Variants in NTM observed in about 807,000 individuals in gnomAD.
NTM encodes neurotrimin.
NTM carries 13 observed loss-of-function variants against 42.1 expected under a neutral mutation model. That is an observed-to-expected ratio of 0.31 (90% CI 0.20 to 0.49). The LOEUF (loss-of-function observed/expected upper bound fraction) is 0.49, where lower values mean the gene tolerates loss of function less well. Ranked by LOEUF, NTM falls within the 20% of genes least tolerant of loss-of-function variation. The probability of loss-of-function intolerance (pLI) is 0.99; values close to 1 mark genes in which losing one functional copy is unlikely to be tolerated. For missense variants in NTM, 373 were observed against 452.8 expected, an observed-to-expected ratio of 0.82 and a Z score of 1.60; for synonymous variants, 187 against 179.2, an observed-to-expected ratio of 1.04 and a Z score of -0.35.
chr11:131,760,634 A>G (rs1009630653), intron 1 of NTM, among the ~76,000 whole-genome samples: 8 of 152,116 alleles, frequency 5.3e-5, no homozygotes, highest in Non-Finnish European at 1.0e-4. Flanking sequence ...AGCGGCTAAT[A>G]GAGATAACCC....
intron 2 of NTM, among the ~76,000 whole-genome samples, chr11:131,941,684 G>A (rs1328350574): frequency 1.3e-5 from 2 of 152,160 alleles, no homozygotes; most frequent in Admixed American, 6.5e-5. Context: ...GGAAGATTGG[G>A]ATAACCTTGT....
chr11:132,143,348 C>CT (rs2069604019), intron 2 of NTM, among the ~76,000 whole-genome samples: 1 of 152,156 alleles, frequency 6.6e-6, no homozygotes, highest in African/African-American at 2.4e-5. Context: ...CCAGGAATCT[C>CT]TTTTTTATCA....
At chr11:132,177,699 C>T (rs2077017754) in intron 3 of NTM, among the ~76,000 whole-genome samples, 1 of 152,164 alleles carries the variant, frequency 6.6e-6, no homozygotes. Context: ...ACCAAAGAGA[C>T]TAATGAAATG....
chr11:131,683,209 C>A (rs1289101196), intron 1 of NTM, among the ~76,000 whole-genome samples: 1 of 152,214 alleles, frequency 6.6e-6, no homozygotes, highest in Admixed American at 6.5e-5. Flanking sequence ...TAACACCTCC[C>A]TGGCAGAGCA....
chr11:131,939,657 A>G (rs1463390630), intron 2 of NTM, among the ~76,000 whole-genome samples: 1 of 152,120 alleles, frequency 6.6e-6, no homozygotes, highest in Non-Finnish European at 1.5e-5. Flanking sequence ...TGTTTTGTAA[A>G]TCTTTCTTCT....
At chr11:131,505,788 A>C (rs1482949123) in intron 1 of NTM, among the ~76,000 whole-genome samples, 1 of 152,218 alleles carries the variant, frequency 6.6e-6, no homozygotes, top group Non-Finnish European at 1.5e-5. Flanking sequence ...GTTGAGAACT[A>C]TCTTCTCCTT....
rs888763005 is a variant in NTM at position 131,738,106 on chromosome 11, T to C, written c.83-173458T>C. 2.6e-5 allele frequency among the ~76,000 whole-genome samples: 4 copies of C among 152,148 alleles called. No homozygotes were observed. In the East Asian group the frequency reaches 7.7e-4, roughly 29 times the overall value. ...GCTCACCAAGAGCAGCAGTTTTCAT[T>C]AGCAGCAAAGCCAGGGGATGGGGAT... is the stretch of plus-strand genomic sequence containing the variant. On this transcript the variant is annotated intron_variant, in intron 1 of 8. Transcript: ENST00000683400.
chr11:131,837,004 A>G (rs926836803), intron 1 of NTM, among the ~76,000 whole-genome samples: 2 of 152,240 alleles, frequency 1.3e-5, no homozygotes, highest in Non-Finnish European at 2.9e-5. Context: ...GAGGCTGGAA[A>G]AGAACTCAAG....
At chr11:131,941,035 G>A (rs2059738127) in intron 2 of NTM, among the ~76,000 whole-genome samples, 1 of 152,178 alleles carries the variant, frequency 6.6e-6, no homozygotes, top group African/African-American at 2.4e-5. Context: ...GTGCGCATAG[G>A]GCACGTGGAG....
chr11:131,887,558 T>C (rs964194851), intron 1 of NTM, among the ~76,000 whole-genome samples: 7 of 152,358 alleles, frequency 4.6e-5, no homozygotes, highest in African/African-American at 1.4e-4. Flanking sequence ...CGCTCTCCAA[T>C]TGGTAACTTC....
chr11:131,828,988 C>G (rs1030684216), intron 1 of NTM, among the ~76,000 whole-genome samples: 1 of 151,904 alleles, frequency 6.6e-6, no homozygotes, highest in Admixed American at 6.6e-5. Flanking sequence ...CTCTCTCTCT[C>G]TGTCTCTCTC....
chr11:131,503,435 A>G (rs934368828), intron 1 of NTM, among the ~76,000 whole-genome samples: 44 of 152,296 alleles, frequency 2.9e-4, no homozygotes, highest in African/African-American at 1.0e-3. Flanking sequence ...GGTCAGAGAC[A>G]GCAGAAGGTG....
chr11:132,012,431 T>C (rs2072416981), intron 2 of NTM, among the ~76,000 whole-genome samples: 1 of 150,364 alleles, frequency 6.7e-6, no homozygotes, highest in South Asian at 2.1e-4. Context: ...TTATTGAGAA[T>C]TTTAAATTAG....
At chr11:131,548,908 G>T (rs191593181) in intron 1 of NTM, among the ~76,000 whole-genome samples, 2 of 152,154 alleles carry the variant, frequency 1.3e-5, no homozygotes, top group Non-Finnish European at 2.9e-5. Flanking sequence ...CAATAATAAA[G>T]AACTTTATAG....
At chr11:131,924,267 C>T (rs994275484) in intron 2 of NTM, among the ~76,000 whole-genome samples, 6 of 152,096 alleles carry the variant, frequency 3.9e-5, no homozygotes, top group African/African-American at 1.4e-4. Context: ...GGTCTCGGGG[C>T]CAAGGTGACC....
chr11:131,947,604 T>C (rs558788704), intron 2 of NTM, among the ~76,000 whole-genome samples: 1 of 152,304 alleles, frequency 6.6e-6, no homozygotes, highest in South Asian at 2.1e-4. Context: ...ATAGAACATC[T>C]GTAAGACACA....
chr11:131,986,978 C>T (rs1163770580), intron 2 of NTM, among the ~76,000 whole-genome samples: 2 of 152,020 alleles, frequency 1.3e-5, no homozygotes, highest in Non-Finnish European at 2.9e-5. Flanking sequence ...TCAGTGTTAA[C>T]CAAGAGATGA....
At chr11:131,911,852 C>CT (rs993984543) in intron 2 of NTM, among the ~76,000 whole-genome samples, 2 of 152,098 alleles carry the variant, frequency 1.3e-5, no homozygotes, top group African/African-American at 4.8e-5. Context: ...TGGCGGTGAG[C>CT]TTTTTCCCAA....
intron 1 of NTM, among the ~76,000 whole-genome samples, chr11:131,756,117 A>C (rs10894435): frequency 0.25 from 38,440 of 152,152 alleles, 6,047 homozygotes; most frequent in East Asian, 0.4. Flanking sequence ...TCAATACCCC[A>C]CACTCTCATT....
Sources: gnomAD v4.1 joint callset for allele counts (sites outside exome capture counted in the v4.1 genomes callset) on GRCh38, gnomAD v4.1.1 for gene constraint, MANE v1.5 for transcripts, NCBI Gene and HGNC (gene_info 2026-07-23, HGNC 2026-07-21) for gene names.